Variants in SLC35G2 observed in about 807,000 individuals in gnomAD.
SLC35G2 encodes the protein solute carrier family 35 member G2, also known as transmembrane protein 22.
A neutral mutation model predicts 27.2 loss-of-function variants in SLC35G2; 20 were observed. The observed-to-expected ratio is 0.74, with a 90% CI of 0.52 to 1.07. SLC35G2 has a LOEUF of 1.07. Ranked by LOEUF, SLC35G2 falls within the 50% of genes least tolerant of loss-of-function variation. The pLI is 0.00. For missense variants in SLC35G2, 416 were observed against 493.3 expected (o/e 0.84, Z 1.48); for synonymous variants, 148 against 165.3 (o/e 0.90, Z 0.80).
At chr3:136,822,259 C>G (rs1447842331) in intron 1 of SLC35G2, among the ~76,000 whole-genome samples, 1 of 152,080 alleles carries the variant, frequency 6.6e-6, no homozygotes. Context: ...CCCCACACCC[C>G]CAACTCTCTC....
chr3:136,849,184 A>C (rs920924252), intron 1 of SLC35G2, among the ~76,000 whole-genome samples: 27 of 152,174 alleles, frequency 1.8e-4, no homozygotes, highest in African/African-American at 6.0e-4. Context: ...GTCTCAAAAA[A>C]AAAAAAAGAT....
chr3:136,824,576 C>T (rs1936538865), intron 1 of SLC35G2, among the ~76,000 whole-genome samples: 1 of 152,068 alleles, frequency 6.6e-6, no homozygotes. Flanking sequence ...ATTTTGTGTC[C>T]TGCAACTTTA....
At chr3:136,849,288 T>C (rs1937530339) in intron 1 of SLC35G2, among the ~76,000 whole-genome samples, 1 of 152,090 alleles carries the variant, frequency 6.6e-6, no homozygotes. Context: ...TAATTTTTAT[T>C]GCGTGCTAAA....
In SLC35G2 at chr3:136,847,410, C is replaced by A. The variant is rs528668731; in HGVS notation, c.-18-7033C>A. ...ATAACTTACATTTGGATGCTTGCAA[C>A]CAAGAGAATTTTGGTGGCCTATTAG... On this transcript the variant is annotated intron_variant, in intron 1 of 1. Coordinates refer to ENST00000446465, the MANE Select transcript of SLC35G2 (RefSeq NM_025246.3). Among the ~76,000 whole-genome samples the A allele has an allele frequency of 1.5e-4, 23 of 152,114 alleles. No individual in the cohort carries two copies. The South Asian group carries it at 4.4e-3, about 29-fold the overall frequency.
chr3:136,854,606 T>C lies in SLC35G2; in HGVS notation c.146T>C (p.Met49Thr), dbSNP rs149279192. 21 of 1,612,510 alleles carry C rather than the reference T, an allele frequency of 1.3e-5. No homozygotes were observed. Among genetic ancestry groups the C allele is most frequent in the Non-Finnish European group, 1.6e-5 (19 of 1,179,746 alleles). ...EEINEGYGNF[M>T]EENPKKGLLS... Reference sequence around the variant, plus strand: ...ATCAATGAAGGCTATGGAAATTTTATGGAGGAAAATCCAAAGAAAGGTCTG... The same window carrying C: ...ATCAATGAAGGCTATGGAAATTTTACGGAGGAAAATCCAAAGAAAGGTCTG... The change falls in exon 2 of 2, where the codon ATG (methionine) becomes ACG (threonine). Residue 49 changes from methionine to threonine, a missense_variant. Physicochemically the swap from Met to Thr is moderately conservative, Grantham distance 81 (BLOSUM62 -1). Coordinates refer to ENST00000446465, the MANE Select transcript of SLC35G2 (RefSeq NM_025246.3).
intron 1 of SLC35G2, among the ~76,000 whole-genome samples, chr3:136,832,060 C>G (rs1936742643): frequency 1.3e-5 from 2 of 151,624 alleles, no homozygotes; most frequent in African/African-American, 4.8e-5. Context: ...GTCGCCCAGG[C>G]TGGAGTGCAG....
At chr3:136,836,436 G>A (rs930699703) in intron 1 of SLC35G2, among the ~76,000 whole-genome samples, 5 of 151,728 alleles carry the variant, frequency 3.3e-5, no homozygotes, top group African/African-American at 7.3e-5. Context: ...GTCTCTTCCC[G>A]ACATAAATTA....
chr3:136,831,498 A>G lies in SLC35G2; in HGVS notation c.-19+11870A>G, dbSNP rs184113206. Among the ~76,000 whole-genome samples, 51 of 152,340 alleles carry G rather than the reference A, an allele frequency of 3.3e-4. 1 individual carries two copies. The East Asian group carries it at 5.8e-3, about 17-fold the overall frequency. Reference sequence around the variant, plus strand: ...ACACTTTATCAGGGGATACTGGTACATAGGCACCTCACAATGATACAGTAT... The same window carrying G: ...ACACTTTATCAGGGGATACTGGTACGTAGGCACCTCACAATGATACAGTAT... On this transcript the variant is annotated intron_variant, in intron 1 of 1. Transcript: ENST00000446465.
At chr3:136,845,863 G>C (rs567754699) in intron 1 of SLC35G2, among the ~76,000 whole-genome samples, 1 of 151,686 alleles carries the variant, frequency 6.6e-6, no homozygotes, top group African/African-American at 2.4e-5. Context: ...CAAAGTGCTG[G>C]GATGACGGGC....
At chr3:136,851,891 T>A (rs771554507) in intron 1 of SLC35G2, among the ~76,000 whole-genome samples, 2 of 152,124 alleles carry the variant, frequency 1.3e-5, no homozygotes, top group Non-Finnish European at 2.9e-5. Flanking sequence ...ATATTCTAGA[T>A]GGGAATTCAC....
At chr3:136,825,595 G>A (rs1394095886) in intron 1 of SLC35G2, among the ~76,000 whole-genome samples, 1 of 151,954 alleles carries the variant, frequency 6.6e-6, no homozygotes, top group African/African-American at 2.4e-5. Flanking sequence ...AGTTTTTTGA[G>A]GATTTTTATC....
At chr3:136,844,582 T>G (rs1937274527) in intron 1 of SLC35G2, among the ~76,000 whole-genome samples, 1 of 151,478 alleles carries the variant, frequency 6.6e-6, no homozygotes, top group African/African-American at 2.4e-5. Flanking sequence ...ACTGATTGCA[T>G]GAGGCCGTGA....
chr3:136,852,761 G>A (rs933403053), intron 1 of SLC35G2, among the ~76,000 whole-genome samples: 3 of 152,086 alleles, frequency 2.0e-5, no homozygotes, highest in African/African-American at 7.2e-5. Flanking sequence ...CCAAAGTGCT[G>A]GGATTACAGG....
chr3:136,850,959 T>C (rs529235846), intron 1 of SLC35G2, among the ~76,000 whole-genome samples: 2 of 152,286 alleles, frequency 1.3e-5, no homozygotes, highest in South Asian at 2.1e-4. Context: ...CACTCCAGCC[T>C]GCGCAACGGA....
intron 1 of SLC35G2, among the ~76,000 whole-genome samples, chr3:136,829,968 G>A (rs895335108): frequency 5.3e-5 from 8 of 152,060 alleles, no homozygotes; most frequent in African/African-American, 1.7e-4. Context: ...CTTTCTCTAG[G>A]TTTGGGAAGT....
chr3:136,842,198 A>C (rs1937129518), intron 1 of SLC35G2: 1 of 152,222 alleles, frequency 6.6e-6, no homozygotes, highest in Admixed American at 6.5e-5. Flanking sequence ...TAATTTTTTT[A>C]TCTCTTATAT....
intron 1 of SLC35G2, among the ~76,000 whole-genome samples, chr3:136,846,227 G>GT: frequency 6.6e-6 from 1 of 152,128 alleles, no homozygotes; most frequent in Non-Finnish European, 1.5e-5. Flanking sequence ...CCATAATTCT[G>GT]TATTACTTTT....
At chr3:136,826,262 C>T (rs538578056) in intron 1 of SLC35G2, among the ~76,000 whole-genome samples, 1 of 151,620 alleles carries the variant, frequency 6.6e-6, no homozygotes, top group Non-Finnish European at 1.5e-5. Context: ...TGGTCTTGAT[C>T]TCCTGACCTC....
chr3:136,851,291 G>A (rs1209233591), intron 1 of SLC35G2, among the ~76,000 whole-genome samples: 6 of 151,952 alleles, frequency 3.9e-5, no homozygotes, highest in South Asian at 4.2e-4. Context: ...TCAGGAGATC[G>A]AGACCGTCCT....
Sources: allele counts gnomAD v4.1 joint callset (sites outside exome capture counted in the v4.1 genomes callset), GRCh38; gene constraint gnomAD v4.1.1; transcripts MANE v1.5; gene names NCBI Gene and HGNC (gene_info 2026-07-23, HGNC 2026-07-21).